The following CNIH3 variants were observed in gnomAD, a reference collection of about 807,000 sequenced individuals.
The protein encoded by CNIH3 is cornichon family AMPA receptor auxiliary protein 3, also known as protein cornichon homolog 3.
Under a neutral mutation model 24.1 loss-of-function variants are expected in CNIH3, and 14 were observed. The ratio of observed to expected loss-of-function variants is 0.58; its 90% confidence interval spans 0.38 to 0.91. The LOEUF is 0.91. Ranked by LOEUF, CNIH3 falls within the 40% of genes least tolerant of loss-of-function variation. The pLI is 0.00. For missense variants in CNIH3, 178 were observed against 196.8 expected, an observed-to-expected ratio of 0.90 and a Z score of 0.57; for synonymous variants, 68 against 73.8, an observed-to-expected ratio of 0.92 and a Z score of 0.40.
chr1:224,526,286 G>A (rs772057492), intron 2 of CNIH3, among the ~76,000 whole-genome samples: 10 of 152,176 alleles, frequency 6.6e-5, no homozygotes, highest in South Asian at 2.1e-4. Context: ...CAATGTGATC[G>A]TATTAAGAAG....
At chr1:224,721,791 G>GT (rs1386533854) in intron 3 of CNIH3, among the ~76,000 whole-genome samples, 1 of 152,176 alleles carries the variant, frequency 6.6e-6, no homozygotes, top group Non-Finnish European at 1.5e-5. Flanking sequence ...GAATGAAGAG[G>GT]GGGCCTGTGG....
chr1:224,739,487 C>G lies in CNIH3; in HGVS notation c.*131C>G, dbSNP rs949246231. ...GAAATAGACCCGGCAGGCAGTCAGA[C>G]TGAATGGGAGCTGGAATCACGCAGC... On this transcript the variant is annotated 3_prime_UTR_variant, in exon 6 of 6. Transcript: ENST00000272133. The G allele has an allele frequency of 6.6e-7, 1 of 1,513,950 alleles. No homozygotes were observed. The highest frequency in any genetic ancestry group is 8.9e-7 in the Non-Finnish European group (1 of 1,123,274). The allele number at this position is 1,513,950 out of a possible 1,614,324, so 93.8% of individuals were successfully genotyped here.
In CNIH3 at chr1:224,435,406, C is replaced by T. The variant is rs528430509; in HGVS notation, n.203+544C>T. 2.4e-4 allele frequency among the ~76,000 whole-genome samples: 37 copies of T among 152,318 alleles called. 1 individual carries two copies. Among genetic ancestry groups the T allele is most frequent in the Non-Finnish European group, 4.6e-4 (31 of 68,030 alleles). On this transcript the variant is annotated intron_variant and non_coding_transcript_variant, in intron 1 of 5. Coordinates refer to the CNIH3 transcript ENST00000471578. The stretch of plus-strand genomic sequence containing the variant: ...GAGATAATGAGCCGGTGAGACTCTG[C>T]TCCACCCTGGGAAGGGGAGTTAGTC...
intron 1 of CNIH3, among the ~76,000 whole-genome samples, chr1:224,437,915 A>ATTT (rs35998596): frequency 2.1e-5 from 3 of 143,884 alleles, no homozygotes; most frequent in Non-Finnish European, 3.0e-5. Context: ...CACGGCAACT[A>ATTT]TTTTTTTTTT....
At chr1:224,666,522 T>A (rs898188073) in intron 1 of CNIH3, among the ~76,000 whole-genome samples, 3 of 152,002 alleles carry the variant, frequency 2.0e-5, no homozygotes, top group Non-Finnish European at 4.4e-5. Context: ...TGGGGCGAGT[T>A]TTTCTGCAGG....
At chr1:224,557,878 A>T (rs1338391436) in intron 3 of CNIH3, among the ~76,000 whole-genome samples, 1 of 152,206 alleles carries the variant, frequency 6.6e-6, no homozygotes, top group African/African-American at 2.4e-5. Context: ...ACATAATCCT[A>T]TTCAGTCCTT....
At chr1:224,585,234 C>T (rs1681449576) in intron 5 of CNIH3, among the ~76,000 whole-genome samples, 4 of 152,172 alleles carry the variant, frequency 2.6e-5, no homozygotes, top group African/African-American at 9.7e-5. Context: ...ATCCTACTCG[C>T]TTATTTTTCC....
At chr1:224,483,373 G>C (rs765302723) in intron 1 of CNIH3, among the ~76,000 whole-genome samples, 6 of 151,486 alleles carry the variant, frequency 4.0e-5, no homozygotes, top group Non-Finnish European at 8.8e-5. Flanking sequence ...AAAACAGGTA[G>C]TGTGATTGCT....
intron 1 of CNIH3, among the ~76,000 whole-genome samples, chr1:224,503,742 G>C (rs1043339806): frequency 1.3e-5 from 2 of 152,274 alleles, no homozygotes; most frequent in African/African-American, 4.8e-5. Context: ...CACAGCTGTG[G>C]CAAGGGAGAT....
chr1:224,633,115 G>A (rs1317433155), intron 1 of CNIH3, among the ~76,000 whole-genome samples: 6 of 152,042 alleles, frequency 3.9e-5, no homozygotes, highest in Non-Finnish European at 7.4e-5. Flanking sequence ...GGCTTCCTGG[G>A]TATGAGGTGT....
intron 3 of CNIH3, among the ~76,000 whole-genome samples, chr1:224,728,618 T>C (rs1005781937): frequency 6.6e-6 from 1 of 152,248 alleles, no homozygotes; most frequent in Admixed American, 6.5e-5. Flanking sequence ...ATGTCTTTAT[T>C]TTTAATGTGT....
intron 5 of CNIH3, 34 bp from the exon 6 acceptor site, chr1:224,739,295 C>A (rs1169011021): frequency 1.7e-5 from 23 of 1,341,906 alleles, no homozygotes; most frequent in Non-Finnish European, 2.1e-5. Context: ...ACCTTCCTCT[C>A]TTTTTTTTTT....
At chr1:224,693,686 A>G (rs369499543) in intron 3 of CNIH3, among the ~76,000 whole-genome samples, 1 of 152,210 alleles carries the variant, frequency 6.6e-6, no homozygotes, top group South Asian at 2.1e-4. Flanking sequence ...CTACAAAGTT[A>G]GGGGCAAAGG....
intron 1 of CNIH3, among the ~76,000 whole-genome samples, chr1:224,455,857 T>C (rs999660915): frequency 2.0e-5 from 3 of 152,238 alleles, no homozygotes; most frequent in Non-Finnish European, 2.9e-5. Context: ...TATTTTTATA[T>C]GAAGCATTTG....
At chr1:224,555,839 G>T (rs1680114658) in intron 3 of CNIH3, among the ~76,000 whole-genome samples, 1 of 152,108 alleles carries the variant, frequency 6.6e-6, no homozygotes, top group Non-Finnish European at 1.5e-5. Context: ...CCGCACTGCG[G>T]CTGTGGGACC....
intron 1 of CNIH3, among the ~76,000 whole-genome samples, chr1:224,449,141 T>C (rs2102960394): frequency 6.6e-6 from 1 of 152,058 alleles, no homozygotes; most frequent in East Asian, 1.9e-4. Flanking sequence ...ATTTTTTGTA[T>C]TTTTAGTAGA....
intron 3 of CNIH3, among the ~76,000 whole-genome samples, chr1:224,710,288 G>A (rs1000925986): frequency 2.6e-5 from 4 of 152,336 alleles, no homozygotes; most frequent in East Asian, 1.9e-4. Flanking sequence ...CGAGTGCTTC[G>A]TGAATTACAG....
chr1:224,689,176 G>T (rs1290883723), intron 3 of CNIH3, among the ~76,000 whole-genome samples: 1 of 152,092 alleles, frequency 6.6e-6, no homozygotes, highest in Non-Finnish European at 1.5e-5. Context: ...TCCTGCCTCT[G>T]CCCTTATTAT....
intron 1 of CNIH3, among the ~76,000 whole-genome samples, chr1:224,465,345 G>A (rs1331268440): frequency 6.6e-6 from 1 of 152,190 alleles, no homozygotes; most frequent in Non-Finnish European, 1.5e-5. Context: ...CCGACCTCAG[G>A]TCATCTGCCC....
Sources: allele counts gnomAD v4.1 joint callset (sites outside exome capture counted in the v4.1 genomes callset), GRCh38; gene constraint gnomAD v4.1.1; transcripts MANE v1.5; gene names NCBI Gene and HGNC (gene_info 2026-07-23, HGNC 2026-07-21).